SLC27A2: variants seen among roughly 807,000 people sequenced by gnomAD.
The protein encoded by SLC27A2 is solute carrier family 27 member 2.
SLC27A2 carries 54 observed loss-of-function variants against 60.0 expected under a neutral mutation model. The ratio of observed to expected loss-of-function variants is 0.90; its 90% CI spans 0.72 to 1.13. The LOEUF (loss-of-function observed/expected upper bound fraction) is 1.13. Among genes scored for constraint, SLC27A2 ranks in the 50% most tolerant of loss-of-function variants. SLC27A2 has a pLI of 0.00. For synonymous variants in SLC27A2, 297 were observed against 297.6 expected (o/e 1.00, Z 0.02); for missense variants, 739 against 777.6 (o/e 0.95, Z 0.59).
chr15:50,225,151 T>C (rs1184861775), intron 5 of SLC27A2, among the ~76,000 whole-genome samples: 1 of 152,252 alleles, frequency 6.6e-6, no homozygotes, highest in East Asian at 1.9e-4. Flanking sequence ...GTACTAGCTG[T>C]CTGCTAATAC....
chr15:50,183,225 C>T (rs2052759), intron 1 of SLC27A2, among the ~76,000 whole-genome samples: 108,654 of 152,132 alleles, frequency 0.71, 40,467 homozygotes, highest in East Asian at 0.84. Context: ...CATGCCCAGC[C>T]ATCTATCTCC....
intron 4 of SLC27A2, chr15:50,221,747 G>A (rs1021539695): frequency 6.6e-6 from 1 of 152,190 alleles, no homozygotes; most frequent in Non-Finnish European, 1.5e-5. Context: ...ATTTCATTCT[G>A]TATCCTGATA....
intron 1 of SLC27A2, among the ~76,000 whole-genome samples, chr15:50,185,621 C>CTTTT (rs531026687): frequency 6.3e-5 from 6 of 95,770 alleles, no homozygotes; most frequent in Non-Finnish European, 6.0e-5. Context: ...AGGAAGCTTA[C>CTTTT]TTTTTTTTTT....
chr15:50,230,515 C>G (rs553725547), intron 8 of SLC27A2, among the ~76,000 whole-genome samples: 2 of 152,286 alleles, frequency 1.3e-5, no homozygotes, highest in East Asian at 3.9e-4. Flanking sequence ...TGCACTCCAG[C>G]CTGGGTGACA....
intron 4 of SLC27A2, among the ~76,000 whole-genome samples, chr15:50,215,475 T>C (rs2045188391): frequency 6.6e-6 from 1 of 152,042 alleles, no homozygotes; most frequent in Non-Finnish European, 1.5e-5. Flanking sequence ...CTAAAATTCA[T>C]ATGGAACCAA....
chr15:50,201,168 G>A (rs1161178533), intron 2 of SLC27A2, among the ~76,000 whole-genome samples: 1 of 152,174 alleles, frequency 6.6e-6, no homozygotes, highest in Non-Finnish European at 1.5e-5. Flanking sequence ...ACTTTTTGTA[G>A]AGGAGGGGTC....
intron 1 of SLC27A2, among the ~76,000 whole-genome samples, chr15:50,197,035 G>A (rs1035710700): frequency 1.3e-5 from 2 of 152,118 alleles, no homozygotes; most frequent in East Asian, 1.9e-4. Flanking sequence ...AGTTACACAC[G>A]GATATTTCTT....
At chr15:50,192,986 T>C (rs1401901041) in intron 1 of SLC27A2, among the ~76,000 whole-genome samples, 1 of 152,148 alleles carries the variant, frequency 6.6e-6, no homozygotes, top group East Asian at 1.9e-4. Context: ...CTACACAGTG[T>C]AGACAAGCAT....
intron 2 of SLC27A2, among the ~76,000 whole-genome samples, chr15:50,197,956 T>C (rs2140900161): frequency 6.6e-6 from 1 of 152,246 alleles, no homozygotes; most frequent in East Asian, 1.9e-4. Flanking sequence ...ACTACAGAAG[T>C]AGTTATGATG....
At chr15:50,186,862 G>A (rs930874975) in intron 1 of SLC27A2, among the ~76,000 whole-genome samples, 15 of 152,160 alleles carry the variant, frequency 9.9e-5, no homozygotes, top group Non-Finnish European at 2.2e-4. Flanking sequence ...TCACTTACGA[G>A]GCACTGTTTA....
Position 50,223,124 on chromosome 15 carries a change from G to A in SLC27A2, c.1132G>A (p.Val378Ile), listed in dbSNP as rs1374865878. 1.2e-6 allele frequency: 2 copies of A among 1,613,740 alleles called. No individual in the cohort carries two copies. The highest frequency in any genetic ancestry group is 1.1e-5 in the South Asian group (1 of 91,022). The change falls in exon 5 of 10, where the codon GTT becomes ATT. Residue 378 changes from valine (V) to isoleucine (I), a missense_variant. Coordinates refer to ENST00000267842, the MANE Select transcript of SLC27A2 (RefSeq NM_003645.4). ...NIGFMNYARK[V>I]GAVGRVNYLQ... Reference sequence around the variant, plus strand: ...TGGATTTATGAATTATGCGAGAAAAGTTGGTGCTGTTGGAAGAGTAAACTA... The same window carrying A: ...TGGATTTATGAATTATGCGAGAAAAATTGGTGCTGTTGGAAGAGTAAACTA...
At position 50,227,137 on chromosome 15, in the gene SLC27A2, A is replaced by G. The variant is rs2045284387; in HGVS notation, c.1416A>G (p.Glu472=). ...NSGDLLMVDH[E]NFIYFHDRVG... ...GAGATCTCTTAATGGTTGACCATGA[A>G]AATTTCATCTATTTCCACGACAGAG... The change falls in exon 7 of 10, where the codon GAA becomes GAG. Residue 472 remains glutamate, a synonymous_variant. Transcript: ENST00000267842. The G allele has an allele frequency of 6.2e-7, 1 of 1,613,254 alleles. No individual in the cohort carries two copies. Among genetic ancestry groups the G allele is most frequent in the Admixed American group, 1.7e-5 (1 of 59,940 alleles).
At chr15:50,216,593 G>GT (rs1255710995) in intron 4 of SLC27A2, among the ~76,000 whole-genome samples, 1 of 86,796 alleles carries the variant, frequency 1.2e-5, no homozygotes, top group Non-Finnish European at 2.6e-5. Context: ...TAAAGAAACT[G>GT]TGGTGTGTGT....
intron 9 of SLC27A2, among the ~76,000 whole-genome samples, chr15:50,235,371 C>T (rs780080210): frequency 6.6e-6 from 1 of 152,120 alleles, no homozygotes; most frequent in Non-Finnish European, 1.5e-5. Flanking sequence ...CTAATCCCAC[C>T]ATGAATCAGG....
intron 1 of SLC27A2, among the ~76,000 whole-genome samples, chr15:50,184,723 A>C (rs1465025256): frequency 6.6e-6 from 1 of 151,940 alleles, no homozygotes; most frequent in African/African-American, 2.4e-5. Flanking sequence ...TGTAATCCCA[A>C]CTACCTGGGA....
intron 8 of SLC27A2, among the ~76,000 whole-genome samples, chr15:50,230,006 C>T (rs1013992923): frequency 4.6e-5 from 7 of 151,956 alleles, no homozygotes; most frequent in Non-Finnish European, 1.0e-4. Context: ...GAGGCCGAGA[C>T]GGGCAGATCA....
chr15:50,233,213 T>C (rs1467380528), intron 8 of SLC27A2, among the ~76,000 whole-genome samples: 9 of 152,096 alleles, frequency 5.9e-5, no homozygotes, highest in Non-Finnish European at 1.3e-4. Context: ...CTCTCCAAAA[T>C]GCAGACAAGA....
chr15:50,205,067 G>A (rs1413977534), intron 3 of SLC27A2, among the ~76,000 whole-genome samples, 172 bp from the exon 4 acceptor site: 5 of 151,442 alleles, frequency 3.3e-5, no homozygotes, highest in South Asian at 2.1e-4. Context: ...AGCCCCTATC[G>A]AACAAAACCA....
chr15:50,196,058 A>C (rs1358826415), intron 1 of SLC27A2, among the ~76,000 whole-genome samples: 2 of 11,492 alleles, frequency 1.7e-4, no homozygotes, highest in African/African-American at 2.5e-4. Context: ...TGTCTCAAAA[A>C]AAAAAAAAAA....
Sources: gnomAD v4.1 joint callset for allele counts (sites outside exome capture counted in the v4.1 genomes callset) on GRCh38, gnomAD v4.1.1 for gene constraint, MANE v1.5 for transcripts, NCBI Gene and HGNC (gene_info 2026-07-23, HGNC 2026-07-21) for gene names.